Variants in SLC25A21 observed in about 807,000 individuals in gnomAD.
The protein encoded by SLC25A21 is mitochondrial 2-oxodicarboxylate carrier.
SLC25A21 carries 47 observed loss-of-function variants against 43.8 expected under a neutral mutation model. The ratio of observed to expected loss-of-function variants is 1.07; its 90% CI spans 0.85 to 1.37. SLC25A21 has a LOEUF of 1.37. SLC25A21 is among the 40% of genes most tolerant of loss of function. SLC25A21 has a pLI of 0.00. For synonymous variants in SLC25A21, 131 were observed against 121.3 expected (o/e 1.08, Z -0.52); for missense variants, 352 against 350.2 (o/e 1.00, Z -0.04).
At chr14:36,815,619 T>C (rs537001730) in intron 2 of SLC25A21, among the ~76,000 whole-genome samples, 1 of 152,330 alleles carries the variant, frequency 6.6e-6, no homozygotes, top group Admixed American at 6.5e-5. Flanking sequence ...TTTCTTCTTT[T>C]TGCATATGAT....
intron 1 of SLC25A21, among the ~76,000 whole-genome samples, chr14:36,989,767 C>T (rs1306105437): frequency 2.0e-5 from 3 of 151,996 alleles, no homozygotes; most frequent in Admixed American, 1.3e-4. Flanking sequence ...AGAGACCCTC[C>T]GTATCTACTG....
intron 1 of SLC25A21, among the ~76,000 whole-genome samples, chr14:36,898,221 G>A (rs902584809): frequency 3.3e-5 from 5 of 152,150 alleles, no homozygotes; most frequent in Non-Finnish European, 5.9e-5. Context: ...ACCCACTCAA[G>A]CCTCAGCAAT....
rs780250720 is a variant in SLC25A21 at position 36,683,866 on chromosome 14, T to C, written c.800A>G (p.Tyr267Cys). The change falls in exon 9 of 10, where the codon TAC (tyrosine) becomes TGC (cysteine). Residue 267 changes from tyrosine (Y) to cysteine (C), a missense_variant. Coordinates refer to ENST00000331299, the MANE Select transcript of SLC25A21 (RefSeq NM_030631.4). ...VYQEEGILAL[Y>C]KGLLPKIMRL... ...CATAATCTTGGGAAGCAGGCCTTTG[T>C]ACAAAGCTAAAATCCTGTAATGGGA... 6.8e-6 allele frequency: 11 copies of C among 1,607,266 alleles called. No individual in the cohort carries two copies. The highest frequency in any genetic ancestry group is 9.4e-6 in the Non-Finnish European group (11 of 1,176,438).
intron 2 of SLC25A21, among the ~76,000 whole-genome samples, chr14:36,845,471 T>G (rs1002054334): frequency 6.6e-6 from 1 of 152,182 alleles, no homozygotes; most frequent in Non-Finnish European, 1.5e-5. Context: ...ATACACAGAC[T>G]TAGATGCCAT....
At chr14:36,684,678 G>A (rs1447242114) in intron 8 of SLC25A21, 66 bp downstream of exon 8, 39 of 1,443,732 alleles carry the variant, frequency 2.7e-5, no homozygotes, top group Non-Finnish European at 3.6e-5. Flanking sequence ...CTAAATGGAA[G>A]GACAATACGG....
In SLC25A21 at chr14:36,684,967, A is replaced by G. The variant is rs1456329884; in HGVS notation, c.604-42T>C. The G allele has an allele frequency of 1.9e-6, 3 of 1,546,502 alleles. No homozygotes were observed. The South Asian group carries it at 3.5e-5, about 18-fold the overall frequency. ...ATAATATAACAGAAAGGGGAGCGGA[A>G]GCCCCTAAATCAGTTAAACACTATA... is the stretch of plus-strand genomic sequence containing the variant. On this transcript the variant is annotated intron_variant, in intron 7 of 9. Transcript: ENST00000331299.
chr14:36,899,903 AG>A (rs1891354218), intron 1 of SLC25A21, among the ~76,000 whole-genome samples: 1 of 152,154 alleles, frequency 6.6e-6, no homozygotes, highest in Non-Finnish European at 1.5e-5. Flanking sequence ...GAAAAGCTGG[AG>A]GAATTTGTAT....
chr14:36,780,537 C>G (rs1340341091), intron 3 of SLC25A21, among the ~76,000 whole-genome samples: 4 of 151,834 alleles, frequency 2.6e-5, no homozygotes, highest in Non-Finnish European at 5.9e-5. Flanking sequence ...TGTTTTTATT[C>G]TTGTTTGTCT....
chr14:37,044,811 T>G (rs1961553408), intron 1 of SLC25A21, among the ~76,000 whole-genome samples: 1 of 152,222 alleles, frequency 6.6e-6, no homozygotes, highest in Non-Finnish European at 1.5e-5. Flanking sequence ...TCCAACTTTT[T>G]TGGTTTCTAA....
At chr14:37,138,486 A>G (rs553236577) in intron 1 of SLC25A21, among the ~76,000 whole-genome samples, 268 of 152,290 alleles carry the variant, frequency 1.8e-3, no homozygotes, top group African/African-American at 6.1e-3. Context: ...AAATCTCCAT[A>G]GCAAAGTGAT....
chr14:37,168,468 AC>A (rs1232161691), intron 1 of SLC25A21, among the ~76,000 whole-genome samples: 1 of 152,108 alleles, frequency 6.6e-6, no homozygotes, highest in African/African-American at 2.4e-5. Context: ...TATAGAAAAT[AC>A]CTATTGCCCA....
chr14:36,713,813 G>C (rs548546805), intron 6 of SLC25A21, among the ~76,000 whole-genome samples: 21 of 152,144 alleles, frequency 1.4e-4, no homozygotes, highest in African/African-American at 4.8e-4. Context: ...GTAAGACCCA[G>C]TCTCTACAAA....
At chr14:37,165,064 G>T (rs1964008643) in intron 1 of SLC25A21, among the ~76,000 whole-genome samples, 1 of 152,212 alleles carries the variant, frequency 6.6e-6, no homozygotes, top group African/African-American at 2.4e-5. Flanking sequence ...CAGAGTAATT[G>T]ATGGAGATGT....
intron 1 of SLC25A21, among the ~76,000 whole-genome samples, chr14:37,036,196 A>T (rs1354409209): frequency 6.6e-6 from 1 of 151,576 alleles, no homozygotes; most frequent in Non-Finnish European, 1.5e-5. Flanking sequence ...AATGCCAGAG[A>T]TTTTTTTTTC....
chr14:37,060,696 T>C (rs1460428361), intron 1 of SLC25A21, among the ~76,000 whole-genome samples: 6 of 152,056 alleles, frequency 3.9e-5, no homozygotes, highest in Non-Finnish European at 4.4e-5. Flanking sequence ...CTGCCCATCT[T>C]TGCAACCTCG....
At chr14:36,814,213 GA>G (rs529416417) in intron 2 of SLC25A21, among the ~76,000 whole-genome samples, 52 of 151,918 alleles carry the variant, frequency 3.4e-4, no homozygotes, top group African/African-American at 8.9e-4. Context: ...GAAATCTATA[GA>G]AAAAAAATGT....
At chr14:36,715,131 A>G (rs554430596) in intron 6 of SLC25A21, among the ~76,000 whole-genome samples, 1 of 152,300 alleles carries the variant, frequency 6.6e-6, no homozygotes, top group South Asian at 2.1e-4. Flanking sequence ...TGACAATCCA[A>G]CTGATATAAG....
chr14:37,036,858 G>T (rs1961337765), intron 1 of SLC25A21, among the ~76,000 whole-genome samples: 1 of 152,168 alleles, frequency 6.6e-6, no homozygotes, highest in Non-Finnish European at 1.5e-5. Context: ...TTCAAATGTG[G>T]ATCTTGACTG....
At chr14:37,061,596 AAT>A (rs1594774991) in intron 1 of SLC25A21, among the ~76,000 whole-genome samples, 1 of 152,234 alleles carries the variant, frequency 6.6e-6, no homozygotes, top group African/African-American at 2.4e-5. Context: ...GGAACAAAAT[AAT>A]AGGGAAAGAG....
Sources: allele counts gnomAD v4.1 joint callset (sites outside exome capture counted in the v4.1 genomes callset), GRCh38; gene constraint gnomAD v4.1.1; transcripts MANE v1.5; gene names NCBI Gene and HGNC (gene_info 2026-07-23, HGNC 2026-07-21).